Variants in TECRL observed in about 807,000 individuals in gnomAD.
TECRL encodes trans-2,3-enoyl-CoA reductase-like.
TECRL carries 63 observed loss-of-function variants against 52.8 expected under a neutral mutation model. That is an observed-to-expected ratio of 1.19 (90% CI 0.97 to 1.47). The LOEUF (loss-of-function observed/expected upper bound fraction) is 1.47, where lower values mean the gene tolerates loss of function less well. Among genes scored for constraint, TECRL ranks in the 40% most tolerant of loss-of-function variants. TECRL has a pLI of 0.00. For missense variants in TECRL, 482 were observed against 429.6 expected (o/e 1.12, Z -1.08); for synonymous variants, 164 against 141.9 (o/e 1.16, Z -1.10).
intron 3 of TECRL, among the ~76,000 whole-genome samples, chr4:64,325,573 G>A (rs1344197325): frequency 6.6e-6 from 1 of 151,976 alleles, no homozygotes; most frequent in Non-Finnish European, 1.5e-5. Context: ...TTGTTACATA[G>A]CAATACAAAA....
At chr4:64,333,899 C>T (rs1294299792) in intron 2 of TECRL, among the ~76,000 whole-genome samples, 7 of 141,730 alleles carry the variant, frequency 4.9e-5, no homozygotes, top group Admixed American at 1.4e-4. Context: ...TGGCGGGCGC[C>T]TGTAGTCCCA....
intron 9 of TECRL, among the ~76,000 whole-genome samples, chr4:64,288,330 T>C (rs181818916): frequency 3.3e-5 from 5 of 152,074 alleles, no homozygotes; most frequent in Admixed American, 1.3e-4. Context: ...GAAGTTGACA[T>C]TGACAAATTG....
chr4:64,324,268 TATTTAA>T (rs1479018676), intron 3 of TECRL, among the ~76,000 whole-genome samples: 2 of 152,130 alleles, frequency 1.3e-5, no homozygotes, highest in African/African-American at 4.8e-5. Context: ...ACTTAAATGT[TATTTAA>T]TAAGGTAAGA....
intron 2 of TECRL, among the ~76,000 whole-genome samples, chr4:64,360,498 A>G (rs1721099975): frequency 6.6e-6 from 1 of 152,198 alleles, no homozygotes; most frequent in African/African-American, 2.4e-5. Flanking sequence ...ATTAGATAAC[A>G]TTAACTTAAA....
At chr4:64,380,687 T>A (rs11939176) in intron 1 of TECRL, among the ~76,000 whole-genome samples, 80 of 152,218 alleles carry the variant, frequency 5.3e-4, no homozygotes, top group African/African-American at 1.9e-3. Flanking sequence ...ATTGTTGGCA[T>A]CTTTGAAGAC....
chr4:64,338,761 A>C (rs1461328652), intron 2 of TECRL, among the ~76,000 whole-genome samples: 2 of 152,204 alleles, frequency 1.3e-5, no homozygotes, highest in Non-Finnish European at 2.9e-5. Context: ...TAGAATGGAG[A>C]TCATTAAAAA....
chr4:64,305,402 C>A (rs1724271298), intron 6 of TECRL, among the ~76,000 whole-genome samples, 164 bp from the exon 7 acceptor site: 1 of 151,990 alleles, frequency 6.6e-6, no homozygotes, highest in African/African-American at 2.4e-5. Flanking sequence ...ATTGTCTAAG[C>A]TAAATAAACA....
intron 2 of TECRL, among the ~76,000 whole-genome samples, chr4:64,351,904 A>G (rs958902837): frequency 2.0e-5 from 3 of 152,188 alleles, no homozygotes; most frequent in Non-Finnish European, 4.4e-5. Context: ...TGAATGCCTT[A>G]AATCTTACTA....
chr4:64,384,739 C>A (rs1030669627), intron 1 of TECRL, among the ~76,000 whole-genome samples: 1 of 152,054 alleles, frequency 6.6e-6, no homozygotes, highest in African/African-American at 2.4e-5. Context: ...TATCTCCATA[C>A]CCCTGGACAT....
At chr4:64,374,022 A>ATAG (rs1487806467) in intron 2 of TECRL, among the ~76,000 whole-genome samples, 3 of 134,962 alleles carry the variant, frequency 2.2e-5, no homozygotes, top group African/African-American at 8.5e-5. Flanking sequence ...TATATAGTAG[A>ATAG]TACATATATA....
At chr4:64,330,351 T>C (rs1718554544) in intron 2 of TECRL, among the ~76,000 whole-genome samples, 1 of 152,106 alleles carries the variant, frequency 6.6e-6, no homozygotes, top group Non-Finnish European at 1.5e-5. Flanking sequence ...CTCTTAAGGA[T>C]ACTTAATGAT....
chr4:64,377,003 C>T (rs533473290), intron 1 of TECRL, among the ~76,000 whole-genome samples: 18 of 152,134 alleles, frequency 1.2e-4, no homozygotes, highest in African/African-American at 3.1e-4. Context: ...CCATTCTCCA[C>T]GCCAGAATAA....
At chr4:64,295,341 T>A (rs1389911194) in intron 8 of TECRL, among the ~76,000 whole-genome samples, 1 of 142,408 alleles carries the variant, frequency 7.0e-6, no homozygotes, top group Non-Finnish European at 1.5e-5. Flanking sequence ...ATGAAACAAT[T>A]ATTTTATTGC....
intron 3 of TECRL, among the ~76,000 whole-genome samples, chr4:64,326,755 G>A (rs1718293769): frequency 6.6e-6 from 1 of 152,022 alleles, no homozygotes; most frequent in African/African-American, 2.4e-5. Context: ...GAGACACAGA[G>A]CTAAAGAACT....
chr4:64,288,688 A>G (rs558677163), intron 9 of TECRL, among the ~76,000 whole-genome samples: 1 of 152,294 alleles, frequency 6.6e-6, no homozygotes, highest in Admixed American at 6.5e-5. Context: ...AAAAAAGGTC[A>G]TGGTCACTGT....
Position 64,280,039 on chromosome 4 carries a change from T to C in TECRL, c.*33A>G, listed in dbSNP as rs1455882451. On this transcript the variant is annotated 3_prime_UTR_variant, in exon 12 of 12. Coordinates refer to ENST00000381210, the MANE Select transcript of TECRL (RefSeq NM_001010874.5). The stretch of plus-strand genomic sequence containing the variant: ...AAGTCTTATTTATTGAATTTATATG[T>C]TGCTGTTTTCTATAGGAGATAAGAT... The C allele has an allele frequency of 6.4e-7, 1 of 1,564,876 alleles. No homozygotes were observed. Among genetic ancestry groups the C allele is most frequent in the South Asian group, 1.2e-5 (1 of 84,860 alleles).
intron 2 of TECRL, among the ~76,000 whole-genome samples, chr4:64,361,540 A>G (rs1347602093): frequency 6.6e-6 from 1 of 152,168 alleles, no homozygotes; most frequent in Non-Finnish European, 1.5e-5. Flanking sequence ...AGGTCAAAGA[A>G]CAAAGCTGCA....
intron 2 of TECRL, 130 bp from the exon 3 acceptor site, chr4:64,328,686 G>T: frequency 2.8e-6 from 2 of 705,586 alleles, no homozygotes; most frequent in South Asian, 3.8e-5. Context: ...GTCAGAAATA[G>T]AAATAGTGGT....
chr4:64,346,706 G>A (rs977348533), intron 2 of TECRL, among the ~76,000 whole-genome samples: 16 of 152,232 alleles, frequency 1.1e-4, no homozygotes, highest in Non-Finnish European at 1.6e-4. Context: ...AGAAGCTGCT[G>A]CTGTGAAGGT....
Sources: allele counts gnomAD v4.1 joint callset (sites outside exome capture counted in the v4.1 genomes callset), GRCh38; gene constraint gnomAD v4.1.1; transcripts MANE v1.5; gene names NCBI Gene and HGNC (gene_info 2026-07-23, HGNC 2026-07-21).